The following KCTD7 variants were observed in gnomAD, a reference collection of about 807,000 sequenced individuals.
KCTD7 encodes the protein potassium channel tetramerization domain containing 7.
In KCTD7, 15 loss-of-function variants were observed where a neutral mutation model predicts 27.0. The ratio of observed to expected loss-of-function variants is 0.56; its 90% confidence interval spans 0.37 to 0.86. KCTD7 has a LOEUF of 0.86. Ranked by LOEUF, KCTD7 falls within the 40% of genes least tolerant of loss-of-function variation. The probability of loss-of-function intolerance (pLI) is 0.00; values close to 1 mark genes in which losing one functional copy is unlikely to be tolerated. For missense variants in KCTD7, 299 were observed against 398.9 expected (o/e 0.75, Z 2.13); for synonymous variants, 159 against 162.7 (o/e 0.98, Z 0.17).
rs1554300955 is a variant in KCTD7, at chr7:66,639,131, C to G, written c.769C>G (p.Leu257Val). The G allele has an allele frequency of 1.9e-6, 3 of 1,614,152 alleles. No individual in the cohort carries two copies. The highest frequency in any genetic ancestry group is 2.5e-6 in the Non-Finnish European group (3 of 1,180,024). The change falls in exon 4 of 4, where the codon CTC becomes GTC. Residue 257 changes from leucine (L) to valine (V), a missense_variant. Physicochemically the swap from Leu to Val is conservative, Grantham distance 32. Transcript: ENST00000639828. Reference sequence around the variant, plus strand: ...GGTCACGGACCTCTCGGCCCAGGGTCTCACCGTGGACCACCAGTGCATCGG... The same window carrying G: ...GGTCACGGACCTCTCGGCCCAGGGTGTCACCGTGGACCACCAGTGCATCGG... Reference protein sequence around the residue: ...CLVTDLSAQGLTVDHQCIGVC... With the variant: ...CLVTDLSAQGVTVDHQCIGVC...
chr7:66,633,593 A>ATATTTTT, intron 2 of KCTD7, 149 bp downstream of exon 2: 1 of 635,572 alleles, frequency 1.6e-6, no homozygotes, highest in Non-Finnish European at 2.7e-6. Flanking sequence ...AAAGAGATCA[A>ATATTTTT]TTTTTTTTTT....
At chr7:66,632,276 A>G (rs932379246) in intron 1 of KCTD7, among the ~76,000 whole-genome samples, 1 of 152,110 alleles carries the variant, frequency 6.6e-6, no homozygotes, top group African/African-American at 2.4e-5. Context: ...TCATGAGGTC[A>G]GGAGATCGAG....
chr7:66,638,922 A>G lies in KCTD7; in HGVS notation c.560A>G (p.Lys187Arg), dbSNP rs1163720483. 1 of 1,614,200 alleles carries G rather than the reference A, an allele frequency of 6.2e-7. No individual in the cohort carries two copies. Among genetic ancestry groups the G allele is most frequent in the Non-Finnish European group, 8.5e-7 (1 of 1,180,042 alleles). ...GTCCAGCGGAAGGCCCGCTTTGCCA[A>G]GCTCAAGGTCTGTGTCTTCAAGGAG... ...RAVQRKARFA[K>R]LKVCVFKEEM... The change falls in exon 4 of 4, where the codon AAG becomes AGG. Residue 187 changes from lysine to arginine, a missense_variant. By Grantham distance (26) the Lys-to-Arg change is conservative. Transcript: ENST00000639828.
chr7:66,630,190 C>T (rs1331279546), intron 1 of KCTD7, among the ~76,000 whole-genome samples: 2 of 152,050 alleles, frequency 1.3e-5, no homozygotes, highest in African/African-American at 4.8e-5. Context: ...TTGCTTGAGC[C>T]CTGGAGGTTG....
At position 66,629,161 on chromosome 7, in the gene KCTD7, C is replaced by A; in HGVS notation, c.97C>A (p.Pro33Thr). The A allele has an allele frequency of 6.6e-7, 1 of 1,524,876 alleles. No homozygotes were observed. 94.5% of individuals were successfully genotyped at this position (1,524,876 alleles called of 1,614,324 possible). A position where few individuals can be genotyped will look rare whatever the true frequency, so the allele number is the denominator to read the frequency against. ...AGACGACTTTCTGGAGCCGGCCACG[C>A]CGACGGCCACGCAGGCGGGGCACGC... ...AEDDFLEPATPTATQAGHALP... is the reference protein window; with the variant it reads ...AEDDFLEPATTTATQAGHALP... Residue 33 changes from proline to threonine, a missense_variant, in exon 1 of 4, where the codon CCG (proline) becomes ACG (threonine). By Grantham distance (38) the Pro-to-Thr change is conservative (BLOSUM62 -1). Transcript: ENST00000639828.
chr7:66,633,248 C>T lies in KCTD7; in HGVS notation c.145-27C>T, dbSNP rs747910548. On this transcript the variant is annotated intron_variant, in intron 1 of 3. Coordinates refer to ENST00000639828, the MANE Select transcript of KCTD7 (RefSeq NM_153033.5). Reference sequence around the variant, plus strand: ...CCAGCTCTCATTCCCCGTTGCCTGCCTGAGAGCCCTGGTGATTTCTTTCCA... The same window carrying T: ...CCAGCTCTCATTCCCCGTTGCCTGCTTGAGAGCCCTGGTGATTTCTTTCCA... The T allele has an allele frequency of 6.8e-6, 11 of 1,612,986 alleles. No individual in the cohort carries two copies. In the South Asian group the frequency reaches 1.1e-4, roughly 16 times the overall value.
rs1786719025 is a variant in KCTD7 at position 66,641,580 on chromosome 7, CTG to C, written c.*2350_*2351del. ...TTCCTCTCTCTCGCTGGAGAAATCCCTGTTTCTCTGACTCCCTTTGTGATCCT... is the reference window on the plus strand; with the variant it reads ...TTCCTCTCTCTCGCTGGAGAAATCCCTTTCTCTGACTCCCTTTGTGATCCT... On this transcript the variant is annotated 3_prime_UTR_variant, in exon 4 of 4. Coordinates refer to ENST00000639828, the MANE Select transcript of KCTD7 (RefSeq NM_153033.5). The C allele has an allele frequency of 2.0e-6, 2 of 985,314 alleles. No individual in the cohort carries two copies. Among genetic ancestry groups the C allele is most frequent in the Non-Finnish European group, 1.2e-6 (1 of 829,938 alleles). 61.0% of individuals were successfully genotyped at this position (985,314 alleles called of 1,614,324 possible).
rs1300906039 is a variant in KCTD7 at position 66,641,808 on chromosome 7, C to A, written c.*2576C>A. Reference sequence around the variant, plus strand: ...AGATGTGGTGGATTGTGGTAACGGCCTCCAGATAAAGGGGTTATCCCTGTG... The same window carrying A: ...AGATGTGGTGGATTGTGGTAACGGCATCCAGATAAAGGGGTTATCCCTGTG... On this transcript the variant is annotated 3_prime_UTR_variant, in exon 4 of 4. Transcript: ENST00000639828. 4 of 985,318 alleles carry A rather than the reference C, an allele frequency of 4.1e-6. No individual in the cohort carries two copies. The South Asian group carries it at 1.4e-4, about 35-fold the overall frequency. 61.0% of individuals were successfully genotyped at this position (985,318 alleles called of 1,614,324 possible).
intron 2 of KCTD7, 69 bp downstream of exon 2, chr7:66,633,513 C>A: frequency 7.1e-7 from 1 of 1,399,520 alleles, no homozygotes; most frequent in Non-Finnish European, 1.0e-6. Context: ...GAGTATGGGA[C>A]CTTGATATCT....
intron 2 of KCTD7, among the ~76,000 whole-genome samples, chr7:66,637,782 C>T (rs1278742710): frequency 6.6e-6 from 1 of 151,998 alleles, no homozygotes; most frequent in Non-Finnish European, 1.5e-5. Context: ...AATGTTTCAT[C>T]TTGATCTAGG....
intron 1 of KCTD7, among the ~76,000 whole-genome samples, chr7:66,632,417 GC>G (rs752734907): frequency 3.3e-5 from 5 of 150,772 alleles, no homozygotes; most frequent in Non-Finnish European, 5.9e-5. Context: ...AACCCGAGAG[GC>G]GGAGGTTGCA....
chr7:66,639,460 C>A lies in KCTD7; in HGVS notation c.*228C>A. On this transcript the variant is annotated 3_prime_UTR_variant, in exon 4 of 4. Coordinates refer to ENST00000639828, the MANE Select transcript of KCTD7 (RefSeq NM_153033.5). ...CTGCAGGCACTCCAGCCAGCGCTCA[C>A]CTGGCCTTTCCTCAAGGCATGGTAG... 2.1e-6 allele frequency: 3 copies of A among 1,438,404 alleles called. No individual in the cohort carries two copies. Among genetic ancestry groups the A allele is most frequent in the Non-Finnish European group, 2.7e-6 (3 of 1,098,524 alleles). 89.1% of individuals were successfully genotyped at this position (1,438,404 alleles called of 1,614,324 possible).
chr7:66,639,542 A>G lies in KCTD7; in HGVS notation c.*310A>G. The G allele has an allele frequency of 7.3e-7, 1 of 1,368,258 alleles. No individual in the cohort carries two copies. 84.8% of individuals were successfully genotyped at this position (1,368,258 alleles called of 1,614,324 possible). On this transcript the variant is annotated 3_prime_UTR_variant, in exon 4 of 4. Transcript: ENST00000639828. ...CCAGGAAGTCCCGAGAAGTTTTGTC[A>G]CCTTCTTGACCTTGCAAGAGAGTTT...
At chr7:66,629,343 G>A (rs1206879453) in intron 1 of KCTD7, 135 bp downstream of exon 1, 1 of 551,024 alleles carries the variant, frequency 1.8e-6, no homozygotes, top group East Asian at 5.3e-5. Flanking sequence ...CCCCTCCCCC[G>A]CCCACCTGCA....
intron 1 of KCTD7, among the ~76,000 whole-genome samples, 176 bp downstream of exon 1, chr7:66,629,384 C>T (rs934206112): frequency 1.3e-5 from 2 of 151,652 alleles, no homozygotes; most frequent in Non-Finnish European, 2.9e-5. Flanking sequence ...CCCTACCCAC[C>T]CACCTTCAAC....
chr7:66,643,154 G>A (rs1786758078), downstream of KCTD7: 1 of 946,022 alleles, frequency 1.1e-6, no homozygotes, highest in African/African-American at 2.5e-5. Flanking sequence ...GGTGTGTTTG[G>A]GGATGCCCCA....
In KCTD7 at chr7:66,633,971, C is replaced by T. The variant is rs186877752; in HGVS notation, c.314+527C>T. 5.3e-5 allele frequency among the ~76,000 whole-genome samples: 8 copies of T among 151,794 alleles called. No homozygotes were observed. In the East Asian group the frequency reaches 1.5e-3, roughly 29 times the overall value. On this transcript the variant is annotated intron_variant, in intron 2 of 3. Transcript: ENST00000639828. ...CCTCTGCGCTCCAGCCTGGGCGACACGAGATTCCATCTCAAAAAACAAAAC... is the reference window on the plus strand; with the variant it reads ...CCTCTGCGCTCCAGCCTGGGCGACATGAGATTCCATCTCAAAAAACAAAAC...
At chr7:66,632,962 G>A (rs927742606) in intron 1 of KCTD7, among the ~76,000 whole-genome samples, 5 of 151,922 alleles carry the variant, frequency 3.3e-5, no homozygotes, top group African/African-American at 4.8e-5. Flanking sequence ...GGAGGCTGAG[G>A]CAGGAGAATG....
In KCTD7 at chr7:66,639,714, C is replaced by T. The variant is rs912042516; in HGVS notation, c.*482C>T. Reference sequence around the variant, plus strand: ...TACCTGACCAGCCACCCCATAGCCCCTGGCTGAAGAAGAAAGAGCATCTTC... The same window carrying T: ...TACCTGACCAGCCACCCCATAGCCCTTGGCTGAAGAAGAAAGAGCATCTTC... On this transcript the variant is annotated 3_prime_UTR_variant, in exon 4 of 4. Transcript: ENST00000639828. 1.5e-4 allele frequency: 187 copies of T among 1,247,834 alleles called. No homozygotes were observed. The highest frequency in any genetic ancestry group is 1.8e-4 in the Non-Finnish European group (182 of 996,660). The allele number at this position is 1,247,834 out of a possible 1,614,324, so 77.3% of individuals were successfully genotyped here.
Sources: allele counts gnomAD v4.1 joint callset (sites outside exome capture counted in the v4.1 genomes callset), GRCh38; gene constraint gnomAD v4.1.1; transcripts MANE v1.5; gene names NCBI Gene and HGNC (gene_info 2026-07-23, HGNC 2026-07-21).